CNTNAP2: variants seen among roughly 807,000 people sequenced by gnomAD.
CNTNAP2 encodes the protein contactin-associated protein-like 2.
CNTNAP2 carries 98 observed loss-of-function variants against 155.2 expected under a neutral mutation model. The observed-to-expected ratio is 0.63, with a 90% CI of 0.54 to 0.75. The LOEUF is 0.75. CNTNAP2 is among the 30% of genes least tolerant of loss of function. The probability of loss-of-function intolerance (pLI) is 0.00; values close to 1 mark genes in which losing one functional copy is unlikely to be tolerated. For missense variants in CNTNAP2, 1,727 were observed against 1,688.1 expected, an observed-to-expected ratio of 1.02 and a Z score of -0.40; for synonymous variants, 651 against 631.2, an observed-to-expected ratio of 1.03 and a Z score of -0.47.
Position 148,140,036 on chromosome 7 carries a change from C to T in CNTNAP2, c.2555-7455C>T, listed in dbSNP as rs555160220. Among the ~76,000 whole-genome samples, 15 of 152,208 alleles carry T rather than the reference C, an allele frequency of 9.9e-5. 2 individuals are homozygous for T. In the South Asian group the frequency reaches 2.9e-3, roughly 30 times the overall value. On this transcript the variant is annotated intron_variant, in intron 16 of 23. Coordinates refer to ENST00000361727, the MANE Select transcript of CNTNAP2 (RefSeq NM_014141.6). Reference sequence around the variant, plus strand: ...CACAGAATTCACTGAATTCTGCTGCCGAAGGCTGCTATACTCATGCTGCAT... The same window carrying T: ...CACAGAATTCACTGAATTCTGCTGCTGAAGGCTGCTATACTCATGCTGCAT...
intron 1 of CNTNAP2, among the ~76,000 whole-genome samples, chr7:146,425,237 TG>T (rs974131084): frequency 6.6e-6 from 1 of 152,196 alleles, no homozygotes; most frequent in African/African-American, 2.4e-5. Flanking sequence ...TCCTGATACT[TG>T]ATTTTTTGGA....
intron 13 of CNTNAP2, among the ~76,000 whole-genome samples, chr7:147,873,658 CT>C (rs752669080): frequency 3.3e-5 from 5 of 152,158 alleles, no homozygotes; most frequent in Non-Finnish European, 7.3e-5. Flanking sequence ...CATTCTGCCC[CT>C]GGCTCCTCCC....
rs564151775 is a variant in CNTNAP2, at chr7:147,681,168, G to C, written c.2098+41862G>C. On this transcript the variant is annotated intron_variant, in intron 13 of 23. Coordinates refer to ENST00000361727, the MANE Select transcript of CNTNAP2 (RefSeq NM_014141.6). ...TTTGTAACCATCATTGGTTGTTTTT[G>C]TCTGTTTCATTTAGTTTTTATAGAA... Among the ~76,000 whole-genome samples the C allele has an allele frequency of 1.4e-4, 22 of 151,994 alleles. No homozygotes were observed. In the South Asian group the frequency reaches 1.9e-3, roughly 13 times the overall value.
At chr7:146,216,304 G>A (rs922870735) in intron 1 of CNTNAP2, among the ~76,000 whole-genome samples, 12 of 152,258 alleles carry the variant, frequency 7.9e-5, no homozygotes, top group East Asian at 1.9e-4. Context: ...AACAATCAGC[G>A]TCTGCCAGAA....
At chr7:147,945,209 T>G (rs1800798068) in intron 14 of CNTNAP2, among the ~76,000 whole-genome samples, 1 of 152,168 alleles carries the variant, frequency 6.6e-6, no homozygotes, top group Non-Finnish European at 1.5e-5. Context: ...AAATTTTATA[T>G]TATTTGCAAC....
chr7:147,004,539 C>T (rs1798489605), intron 3 of CNTNAP2, among the ~76,000 whole-genome samples: 1 of 152,006 alleles, frequency 6.6e-6, no homozygotes, highest in African/African-American at 2.4e-5. Context: ...CAAATATTTA[C>T]TGGCAAGTGG....
At chr7:146,537,696 G>T (rs1017649402) in intron 1 of CNTNAP2, among the ~76,000 whole-genome samples, 5 of 152,050 alleles carry the variant, frequency 3.3e-5, no homozygotes, top group South Asian at 4.1e-4. Flanking sequence ...AAGCCTTATT[G>T]TTCCCTGGGA....
chr7:147,317,398 C>T (rs187352259), intron 9 of CNTNAP2, among the ~76,000 whole-genome samples: 12 of 152,314 alleles, frequency 7.9e-5, no homozygotes, highest in South Asian at 2.1e-4. Context: ...GACCTTGCAT[C>T]GTATGGTTCC....
intron 1 of CNTNAP2, among the ~76,000 whole-genome samples, chr7:146,432,638 C>T (rs745962737): frequency 5.3e-5 from 8 of 152,112 alleles, no homozygotes; most frequent in East Asian, 3.8e-4. Flanking sequence ...CACTAATTCA[C>T]GTCTTTCCTC....
chr7:147,925,285 C>CGT (rs1800373569), intron 14 of CNTNAP2, among the ~76,000 whole-genome samples: 3 of 45,162 alleles, frequency 6.6e-5, no homozygotes, highest in African/African-American at 2.0e-4. Flanking sequence ...CACACACAAG[C>CGT]GCGCGCGCAC....
intron 3 of CNTNAP2, among the ~76,000 whole-genome samples, chr7:147,013,445 A>AT (rs900836743): frequency 1.3e-5 from 2 of 152,148 alleles, no homozygotes; most frequent in Non-Finnish European, 2.9e-5. Context: ...TTAAGCATCC[A>AT]TTTTAGCTAA....
At chr7:147,081,344 T>C (rs1394876889) in intron 4 of CNTNAP2, 1 of 152,156 alleles carries the variant, frequency 6.6e-6, no homozygotes, top group Non-Finnish European at 1.5e-5. Context: ...CAGCTTGTAT[T>C]TTTGTCTCTT....
chr7:147,370,173 TA>T (rs1409555414), intron 9 of CNTNAP2, among the ~76,000 whole-genome samples: 1 of 152,228 alleles, frequency 6.6e-6, no homozygotes, highest in African/African-American at 2.4e-5. Context: ...AGATTTTAAT[TA>T]AAAATATTAT....
At chr7:147,590,381 C>T (rs1800714825) in intron 12 of CNTNAP2, among the ~76,000 whole-genome samples, 1 of 152,092 alleles carries the variant, frequency 6.6e-6, no homozygotes, top group African/African-American at 2.4e-5. Flanking sequence ...CAGTTTCCCC[C>T]ATGCTGTTCT....
intron 1 of CNTNAP2, among the ~76,000 whole-genome samples, chr7:146,392,636 T>C (rs1161078116): frequency 6.6e-6 from 1 of 152,222 alleles, no homozygotes; most frequent in African/African-American, 2.4e-5. Flanking sequence ...AATATTCCTC[T>C]TTCCTAGTAA....
At chr7:148,249,666 A>G (rs1585216219) in intron 20 of CNTNAP2, among the ~76,000 whole-genome samples, 4 of 152,292 alleles carry the variant, frequency 2.6e-5, no homozygotes, top group Admixed American at 2.6e-4. Flanking sequence ...TGCCCTGCTT[A>G]TAGCCTTTCC....
At chr7:147,496,393 G>T (rs1045105512) in intron 11 of CNTNAP2, among the ~76,000 whole-genome samples, 8 of 152,228 alleles carry the variant, frequency 5.3e-5, no homozygotes, top group African/African-American at 1.9e-4. Flanking sequence ...AACTGGTAAG[G>T]CTGCTGAAAA....
intron 9 of CNTNAP2, among the ~76,000 whole-genome samples, chr7:147,391,191 A>G (rs917283975): frequency 2.0e-5 from 3 of 152,196 alleles, no homozygotes; most frequent in African/African-American, 7.2e-5. Flanking sequence ...CTCTGGTTCA[A>G]AAGTGGAGAA....
At chr7:146,694,127 TAAGA>T (rs1563191620) in intron 1 of CNTNAP2, among the ~76,000 whole-genome samples, 1 of 151,990 alleles carries the variant, frequency 6.6e-6, no homozygotes, top group African/African-American at 2.4e-5. Flanking sequence ...AATTGGAAAA[TAAGA>T]AAGGTAAGTG....
Sources: gnomAD v4.1 joint callset for allele counts (sites outside exome capture counted in the v4.1 genomes callset) on GRCh38, gnomAD v4.1.1 for gene constraint, MANE v1.5 for transcripts, NCBI Gene and HGNC (gene_info 2026-07-23, HGNC 2026-07-21) for gene names.